MDGA2: variants seen among roughly 807,000 people sequenced by gnomAD.
MDGA2 encodes MAM domain containing glycosylphosphatidylinositol anchor 2, also known as MAM domain-containing glycosylphosphatidylinositol anchor protein 2.
MDGA2 carries 40 observed loss-of-function variants against 117.8 expected under a neutral mutation model. That is an observed-to-expected ratio of 0.34 (90% confidence interval 0.26 to 0.44). The LOEUF is 0.44. Among genes scored for constraint, MDGA2 ranks in the 20% least tolerant of loss-of-function variants. The pLI is 1.00. For synonymous variants in MDGA2, 452 were observed against 439.0 expected (o/e 1.03, Z -0.37); for missense variants, 1,123 against 1,250.6 (o/e 0.90, Z 1.54).
At chr14:47,367,733 C>T (rs1566756867) in intron 1 of MDGA2, among the ~76,000 whole-genome samples, 1 of 152,184 alleles carries the variant, frequency 6.6e-6, no homozygotes, top group South Asian at 2.1e-4. Flanking sequence ...CCTCCTACCT[C>T]CCTTCTGAAA....
chr14:47,072,549 T>C (rs563021574), intron 6 of MDGA2, among the ~76,000 whole-genome samples: 3 of 152,298 alleles, frequency 2.0e-5, no homozygotes, highest in African/African-American at 7.2e-5. Context: ...ACTATGATAG[T>C]GATAGTTTAA....
intron 1 of MDGA2, among the ~76,000 whole-genome samples, chr14:47,492,959 T>C (rs1163085152): frequency 6.6e-6 from 1 of 152,142 alleles, no homozygotes; most frequent in Non-Finnish European, 1.5e-5. Flanking sequence ...AAATTTTGTT[T>C]CATTTTATTA....
At chr14:47,503,052 A>T (rs1233658897) in intron 1 of MDGA2, among the ~76,000 whole-genome samples, 1 of 152,146 alleles carries the variant, frequency 6.6e-6, no homozygotes, top group Non-Finnish European at 1.5e-5. Context: ...ACACATACAC[A>T]AATGCCCCGT....
At position 46,880,632 on chromosome 14, in the gene MDGA2, T is replaced by A. The variant is rs188532306; in HGVS notation, c.2416+1412A>T. Among the ~76,000 whole-genome samples the A allele has an allele frequency of 3.9e-3, 585 of 151,166 alleles. 8 individuals carry two copies. The highest frequency in any genetic ancestry group is 0.012 in the African/African-American group (508 of 41,274). Reference sequence around the variant, plus strand: ...AGCCTGACCAACATGGAAAAACCCCTTCTGTACTAAAAATACAAAATTAGT... The same window carrying A: ...AGCCTGACCAACATGGAAAAACCCCATCTGTACTAAAAATACAAAATTAGT... On this transcript the variant is annotated intron_variant, in intron 11 of 16. Coordinates refer to ENST00000399232, the MANE Select transcript of MDGA2 (RefSeq NM_001113498.3).
chr14:47,428,660 CT>C lies in MDGA2; in HGVS notation c.281-127111del, dbSNP rs555015391. The stretch of plus-strand genomic sequence containing the variant: ...GTGGGACAGGCTTTTCTAAGAAGAG[CT>C]TTTCCCTATCATTTCTGTCTCTCAT... On this transcript the variant is annotated intron_variant, in intron 1 of 16. Transcript: ENST00000399232. Among the ~76,000 whole-genome samples the C allele has an allele frequency of 3.9e-3, 586 of 152,056 alleles. 2 individuals are homozygous for C. The highest frequency in any genetic ancestry group is 7.1e-3 in the Non-Finnish European group (480 of 67,964).
intron 5 of MDGA2, among the ~76,000 whole-genome samples, chr14:47,112,626 T>C (rs1440326824): frequency 6.6e-6 from 1 of 152,210 alleles, no homozygotes; most frequent in African/African-American, 2.4e-5. Flanking sequence ...CACATTTGCT[T>C]TATCCAGTCT....
At chr14:47,314,350 A>T (rs1889740041) in intron 1 of MDGA2, among the ~76,000 whole-genome samples, 1 of 152,156 alleles carries the variant, frequency 6.6e-6, no homozygotes, top group South Asian at 2.1e-4. Flanking sequence ...TACACATAAG[A>T]GTTCTCTAAA....
intron 1 of MDGA2, among the ~76,000 whole-genome samples, chr14:47,496,864 C>G (rs965784202): frequency 6.6e-6 from 1 of 151,840 alleles, no homozygotes; most frequent in Admixed American, 6.6e-5. Flanking sequence ...TCTGGAAGAC[C>G]AGTTTTCCAT....
intron 1 of MDGA2, among the ~76,000 whole-genome samples, chr14:47,443,900 G>T (rs1002278360): frequency 2.6e-5 from 4 of 152,134 alleles, no homozygotes; most frequent in Non-Finnish European, 5.9e-5. Flanking sequence ...GTCCCTGAAA[G>T]TTGTACTTTT....
chr14:47,120,497 C>T (rs1881592219), intron 5 of MDGA2, among the ~76,000 whole-genome samples: 1 of 152,026 alleles, frequency 6.6e-6, no homozygotes, highest in African/African-American at 2.4e-5. Context: ...AAGCATATTA[C>T]TAAACAACTA....
At chr14:47,620,913 T>C (rs1897038352) in intron 1 of MDGA2, among the ~76,000 whole-genome samples, 1 of 152,182 alleles carries the variant, frequency 6.6e-6, no homozygotes, top group Admixed American at 6.5e-5. Context: ...TTGCCCACTA[T>C]TTGTCACCTG....
intron 1 of MDGA2, among the ~76,000 whole-genome samples, chr14:47,422,065 A>C (rs767147072): frequency 2.0e-5 from 3 of 152,164 alleles, no homozygotes; most frequent in Non-Finnish European, 4.4e-5. Context: ...GCTATGGCAT[A>C]GACATTTATG....
At chr14:47,147,375 A>T (rs934968534) in intron 3 of MDGA2, among the ~76,000 whole-genome samples, 1 of 152,200 alleles carries the variant, frequency 6.6e-6, no homozygotes, top group Admixed American at 6.5e-5. Context: ...AGAGAGTGAA[A>T]GAAGTAGGAC....
intron 9 of MDGA2, among the ~76,000 whole-genome samples, chr14:46,921,625 AAAAAG>A (rs1365514048): frequency 1.3e-5 from 2 of 151,956 alleles, no homozygotes; most frequent in Non-Finnish European, 1.5e-5. Flanking sequence ...TCAAAAAAAA[AAAAAG>A]AAAAGAAAAA....
intron 1 of MDGA2, among the ~76,000 whole-genome samples, chr14:47,619,128 C>T (rs1277796952): frequency 7.6e-6 from 1 of 131,610 alleles, no homozygotes; most frequent in Non-Finnish European, 1.7e-5. Flanking sequence ...CACACACACA[C>T]ACACACACAC....
intron 8 of MDGA2, among the ~76,000 whole-genome samples, chr14:46,996,035 G>T (rs553204314): frequency 5.9e-5 from 9 of 152,124 alleles, no homozygotes; most frequent in African/African-American, 1.9e-4. Flanking sequence ...TTCTAAGCCT[G>T]TGGTCATAAA....
intron 1 of MDGA2, among the ~76,000 whole-genome samples, chr14:47,565,359 T>A (rs1045590356): frequency 5.9e-5 from 9 of 152,308 alleles, no homozygotes; most frequent in African/African-American, 2.2e-4. Context: ...TGGCATAAGG[T>A]AGGTCCAGTT....
chr14:47,484,257 A>G (rs756558430), intron 1 of MDGA2, among the ~76,000 whole-genome samples: 3 of 152,140 alleles, frequency 2.0e-5, no homozygotes, highest in Non-Finnish European at 4.4e-5. Context: ...ACACATATAT[A>G]TGTAGGAATT....
At chr14:47,128,709 T>C (rs1289480021) in intron 5 of MDGA2, among the ~76,000 whole-genome samples, 2 of 151,620 alleles carry the variant, frequency 1.3e-5, no homozygotes, top group Non-Finnish European at 2.9e-5. Flanking sequence ...TTTTTTTTTT[T>C]TTTTTGAGAC....
Sources: gnomAD v4.1 joint callset for allele counts (sites outside exome capture counted in the v4.1 genomes callset) on GRCh38, gnomAD v4.1.1 for gene constraint, MANE v1.5 for transcripts, NCBI Gene and HGNC (gene_info 2026-07-23, HGNC 2026-07-21) for gene names.